The following MGST2 variants were observed in gnomAD, a reference collection of about 807,000 sequenced individuals.
The protein encoded by MGST2 is microsomal glutathione S-transferase 2, also known as glutathione peroxidase MGST2.
In MGST2, 9 loss-of-function variants were observed where a neutral mutation model predicts 16.6. That is an observed-to-expected ratio of 0.54 (90% CI 0.33 to 0.95). The LOEUF (loss-of-function observed/expected upper bound fraction) is 0.95. Among genes scored for constraint, MGST2 ranks in the 40% least tolerant of loss-of-function variants. The pLI is 0.03. For synonymous variants in MGST2, 79 were observed against 68.0 expected (o/e 1.16, Z -0.79); for missense variants, 159 against 175.1 (o/e 0.91, Z 0.52).
intron 5 of MGST2, among the ~76,000 whole-genome samples, chr4:139,729,963 T>C (rs947151483): frequency 1.3e-5 from 2 of 152,266 alleles, no homozygotes; most frequent in African/African-American, 4.8e-5. Context: ...CCATTGTTCA[T>C]TACCCATTCT....
At chr4:139,742,412 G>A (rs1038261625), downstream of MGST2, among the ~76,000 whole-genome samples, 1 of 152,152 alleles carries the variant, frequency 6.6e-6, no homozygotes, top group African/African-American at 2.4e-5. Context: ...GCCTCCCAAA[G>A]TGCTGGGACT....
At chr4:139,730,963 A>C in intron 5 of MGST2, 3 of 395,808 alleles carry the variant, frequency 7.6e-6, no homozygotes, top group Non-Finnish European at 9.2e-6. Context: ...TTCAACTAAC[A>C]TCCTGTGTTC....
the MGST2 span, among the ~76,000 whole-genome samples, chr4:139,747,840 G>T: frequency 1.3e-5 from 2 of 152,040 alleles, no homozygotes; most frequent in African/African-American, 4.8e-5. Context: ...GATCACCTGA[G>T]GTTAGGAGTT....
At chr4:139,696,277 A>G (rs1726917399) in intron 3 of MGST2, among the ~76,000 whole-genome samples, 2 of 152,148 alleles carry the variant, frequency 1.3e-5, no homozygotes, top group African/African-American at 2.4e-5. Context: ...ATTTATAGAA[A>G]TATCATTTCT....
intron 5 of MGST2, among the ~76,000 whole-genome samples, chr4:139,737,855 A>G (rs1473218062): frequency 6.6e-6 from 1 of 152,240 alleles, no homozygotes; most frequent in Non-Finnish European, 1.5e-5. Context: ...CCTCTGTCTC[A>G]GCAGATTATT....
At chr4:139,718,080 A>AT (rs1350197208) in intron 5 of MGST2, 3 of 152,088 alleles carry the variant, frequency 2.0e-5, no homozygotes, top group Non-Finnish European at 2.9e-5. Flanking sequence ...GGAAAGGTGG[A>AT]TTTTTAGAGC....
chr4:139,693,724 T>TA (rs1726752882), intron 2 of MGST2, among the ~76,000 whole-genome samples: 1 of 152,216 alleles, frequency 6.6e-6, no homozygotes, highest in African/African-American at 2.4e-5. Context: ...AAGTTGTAGT[T>TA]ACGGTTTGCA....
intron 1 of MGST2, among the ~76,000 whole-genome samples, chr4:139,666,347 C>T (rs1017908281): frequency 6.6e-6 from 1 of 152,020 alleles, no homozygotes; most frequent in African/African-American, 2.4e-5. Flanking sequence ...CAGAGCTCAG[C>T]GATTCTGCAT....
intron 3 of MGST2, chr4:139,698,538 T>G (rs921073977): frequency 1.5e-5 from 16 of 1,052,478 alleles, no homozygotes; most frequent in Non-Finnish European, 2.4e-5. Context: ...GCGGGCAGTC[T>G]GCTTTGTACG....
chr4:139,698,544 G>C, intron 3 of MGST2: 2 of 1,015,400 alleles, frequency 2.0e-6, no homozygotes, highest in Non-Finnish European at 3.1e-6. Context: ...AGTCTGCTTT[G>C]TACGAGCCAT....
chr4:139,713,651 A>G (rs113498007), intron 5 of MGST2, among the ~76,000 whole-genome samples: 37 of 152,352 alleles, frequency 2.4e-4, no homozygotes, highest in African/African-American at 8.9e-4. Context: ...GTTCTTTAAA[A>G]AAGAAATACT....
chr4:139,672,230 C>T (rs1323251559), intron 1 of MGST2, among the ~76,000 whole-genome samples: 6 of 152,178 alleles, frequency 3.9e-5, no homozygotes, highest in Non-Finnish European at 2.9e-5. Flanking sequence ...AAGCTCTAGG[C>T]TCCTGTGCAT....
intron 5 of MGST2, chr4:139,719,467 G>A (rs377696242): frequency 1.9e-6 from 3 of 1,614,018 alleles, no homozygotes; most frequent in Admixed American, 1.7e-5. Flanking sequence ...TGTATGACAC[G>A]TCCTGAGGGG....
chr4:139,751,927 C>T, the MGST2 span, among the ~76,000 whole-genome samples: 42 of 152,324 alleles, frequency 2.8e-4, no homozygotes, highest in African/African-American at 7.5e-4. Flanking sequence ...AAAGCAGAGA[C>T]CTCCAAGGAG....
At chr4:139,683,094 C>T (rs1389616783) in intron 2 of MGST2, among the ~76,000 whole-genome samples, 3 of 152,166 alleles carry the variant, frequency 2.0e-5, no homozygotes, top group Non-Finnish European at 1.5e-5. Flanking sequence ...GGCAGTTCTC[C>T]CTCAGGGTGG....
chr4:139,714,299 C>A (rs1727854410), intron 5 of MGST2, among the ~76,000 whole-genome samples: 1 of 152,174 alleles, frequency 6.6e-6, no homozygotes, highest in African/African-American at 2.4e-5. Context: ...TGGCATTAAT[C>A]AAAACTTTAC....
At chr4:139,684,292 A>G (rs528565327) in intron 2 of MGST2, among the ~76,000 whole-genome samples, 14 of 152,296 alleles carry the variant, frequency 9.2e-5, no homozygotes, top group Non-Finnish European at 1.6e-4. Context: ...ACTTGCCTCC[A>G]TGATTCAATT....
chr4:139,736,215 A>G (rs1314930970), intron 5 of MGST2, among the ~76,000 whole-genome samples: 1 of 152,184 alleles, frequency 6.6e-6, no homozygotes, highest in African/African-American at 2.4e-5. Flanking sequence ...TTTCGACGAA[A>G]TTGTATATAT....
chr4:139,738,465 C>T (rs1235881208), intron 5 of MGST2, among the ~76,000 whole-genome samples: 5 of 152,120 alleles, frequency 3.3e-5, no homozygotes, highest in Admixed American at 3.3e-4. Context: ...ATTGCTTGAA[C>T]CTGGGAGGCG....
Sources: gnomAD v4.1 joint callset for allele counts (sites outside exome capture counted in the v4.1 genomes callset) on GRCh38, gnomAD v4.1.1 for gene constraint, MANE v1.5 for transcripts, NCBI Gene and HGNC (gene_info 2026-07-23, HGNC 2026-07-21) for gene names.